Variants in STK40 observed in about 807,000 individuals in gnomAD.
STK40 encodes the protein serine/threonine-protein kinase 40.
In STK40, 13 loss-of-function variants were observed where a neutral mutation model predicts 47.9. The ratio of observed to expected loss-of-function variants is 0.27; its 90% CI spans 0.18 to 0.43. STK40 has a LOEUF of 0.43. Ranked by LOEUF, STK40 falls within the 20% of genes least tolerant of loss-of-function variation. STK40 has a pLI of 1.00. For missense variants in STK40, 460 were observed against 595.1 expected (o/e 0.77, Z 2.36); for synonymous variants, 225 against 243.2 (o/e 0.93, Z 0.69).
At position 36,376,159 on chromosome 1, in the gene STK40, G is replaced by A. The variant is rs115207950; in HGVS notation, c.-9+9564C>T. On this transcript the variant is annotated intron_variant, in intron 1 of 10. Transcript: ENST00000373132. The stretch of plus-strand genomic sequence containing the variant: ...ATGATTAGAAAAGCCAAGAGCAGGC[G>A]ATCCCTTCAGAGTGCCCCTCTGTTG... Among the ~76,000 whole-genome samples the A allele has an allele frequency of 1.8e-3, 270 of 152,304 alleles. 1 individual carries two copies. The highest frequency in any genetic ancestry group is 6.3e-3 in the African/African-American group (262 of 41,572).
chr1:36,355,173 G>C (rs762497218), intron 5 of STK40, 33 bp downstream of exon 5: 2 of 1,604,124 alleles, frequency 1.2e-6, no homozygotes, highest in Non-Finnish European at 8.5e-7. Flanking sequence ...GCTTTCTGTG[G>C]CCAGAAGGCG....
chr1:36,343,083 G>A, intron 10 of STK40: 1 of 609,180 alleles, frequency 1.6e-6, no homozygotes, highest in Non-Finnish European at 2.9e-6. Context: ...GCAGCAGGAG[G>A]AAGCTGAGAG....
In STK40 at chr1:36,350,288, C is replaced by G. The variant is rs1487858226; in HGVS notation, c.624-1473G>C. On this transcript the variant is annotated intron_variant, in intron 6 of 10. Transcript: ENST00000373132. ...CTGCTCTAGCTCTGAAGCTCCAGTG[C>G]CGCTGCCCTGAATATGGGGCTGCTC... Among the ~76,000 whole-genome samples, 8 of 152,320 alleles carry G rather than the reference C, an allele frequency of 5.3e-5. 1 individual carries two copies. The South Asian group carries it at 1.0e-3, about 20-fold the overall frequency.
chr1:36,373,391 T>C (rs938899386), intron 1 of STK40, among the ~76,000 whole-genome samples: 98 of 152,296 alleles, frequency 6.4e-4, no homozygotes, highest in African/African-American at 2.2e-3. Flanking sequence ...TCGCACCACT[T>C]TCTGATGTGG....
chr1:36,382,222 T>C (rs1647045759), intron 1 of STK40, among the ~76,000 whole-genome samples: 1 of 152,044 alleles, frequency 6.6e-6, no homozygotes, highest in African/African-American at 2.4e-5. Flanking sequence ...CTGTGTCACC[T>C]AAACTGGAAT....
At chr1:36,368,824 T>A (rs1333760449) in intron 1 of STK40, among the ~76,000 whole-genome samples, 1 of 152,248 alleles carries the variant, frequency 6.6e-6, no homozygotes, top group Non-Finnish European at 1.5e-5. Flanking sequence ...AATAGTATTG[T>A]ATCAGTTAAA....
rs183274481 is a variant in STK40, at chr1:36,343,898, G to A, written c.966C>T (p.Ala322=). ...VLDPQQRLAA[A]DVLEALSAII... ...TGGCACTGAGGGCCTCCAGGACGTC[G>A]GCGGCGGCCAGGCGCTGCTGGGGGT... is the stretch of plus-strand genomic sequence containing the variant. The change falls in exon 9 of 11, where the codon GCC becomes GCT. Residue 322 remains alanine, a synonymous_variant. Transcript: ENST00000373132. 55 of 1,606,536 alleles carry A rather than the reference G, an allele frequency of 3.4e-5. 1 individual carries two copies. In the Middle Eastern group the frequency reaches 1.7e-3, roughly 48 times the overall value.
intron 1 of STK40, among the ~76,000 whole-genome samples, chr1:36,363,544 C>T (rs1434908388): frequency 1.3e-5 from 2 of 151,844 alleles, no homozygotes; most frequent in Admixed American, 6.6e-5. Flanking sequence ...CAGTGGCTCA[C>T]GCCTGTAATA....
chr1:36,362,274 G>T (rs534342736), intron 1 of STK40, among the ~76,000 whole-genome samples: 4 of 152,178 alleles, frequency 2.6e-5, no homozygotes, highest in African/African-American at 9.7e-5. Flanking sequence ...CAGGATCCGG[G>T]GGGGACAAGG....
intron 7 of STK40, among the ~76,000 whole-genome samples, chr1:36,346,486 T>A (rs548378822): frequency 2.0e-5 from 3 of 152,094 alleles, no homozygotes; most frequent in African/African-American, 7.2e-5. Flanking sequence ...GCTGGGCACA[T>A]GGAGAATAAA....
rs1419637222 is a variant in STK40, at chr1:36,360,966, G to A, written c.112+255C>T. On this transcript the variant is annotated intron_variant, in intron 2 of 10. Coordinates refer to ENST00000373132, the MANE Select transcript of STK40 (RefSeq NM_001282547.2). ...AGTCGGAGCCTAGCTATTGGCTAAG[G>A]CTGATCTAAGGCTGGTATGGCTAAA... Among the ~76,000 whole-genome samples, 2 of 152,174 alleles carry A rather than the reference G, an allele frequency of 1.3e-5. 1 individual carries two copies. The highest frequency in any genetic ancestry group is 3.8e-4 in the East Asian group (2 of 5,200).
At chr1:36,350,043 G>A (rs372480621) in intron 6 of STK40, among the ~76,000 whole-genome samples, 4 of 152,334 alleles carry the variant, frequency 2.6e-5, no homozygotes, top group African/African-American at 9.6e-5. Flanking sequence ...GGCTCTGAGA[G>A]CCCTCGGTGA....
chr1:36,360,333 G>A (rs1361683916), intron 2 of STK40, among the ~76,000 whole-genome samples: 1 of 152,152 alleles, frequency 6.6e-6, no homozygotes, highest in African/African-American at 2.4e-5. Context: ...TTGGACTGCT[G>A]GTCCTTATGC....
Position 36,341,632 on chromosome 1 carries a change from T to C in STK40, c.*123A>G, listed in dbSNP as rs1201646297. 7 of 1,232,574 alleles carry C rather than the reference T, an allele frequency of 5.7e-6. No homozygotes were observed. Among genetic ancestry groups the C allele is most frequent in the Non-Finnish European group, 8.0e-6 (7 of 880,266 alleles). The allele number at this position is 1,232,574 out of a possible 1,614,324, so 76.4% of individuals were successfully genotyped here. A position where few individuals can be genotyped will look rare whatever the true frequency, so the allele number is the denominator to read the frequency against. On this transcript the variant is annotated 3_prime_UTR_variant, in exon 11 of 11. Coordinates refer to ENST00000373132, the MANE Select transcript of STK40 (RefSeq NM_001282547.2). ...CCACGTGTGACCTGGGCTGTCCCTG[T>C]CCCTGCCCTGTCCCTATTGTGGCCC...
chr1:36,377,572 A>G (rs1414702653), intron 1 of STK40, among the ~76,000 whole-genome samples: 1 of 150,058 alleles, frequency 6.7e-6, no homozygotes, highest in Non-Finnish European at 1.5e-5. Context: ...TAGTGGAATC[A>G]GGGGAGGCTG....
At chr1:36,376,978 G>A (rs1349051219) in intron 1 of STK40, among the ~76,000 whole-genome samples, 1 of 151,632 alleles carries the variant, frequency 6.6e-6, no homozygotes, top group Non-Finnish European at 1.5e-5. Context: ...TCACCATCTT[G>A]GCTAGGCTGG....
At chr1:36,346,240 C>T (rs180973447) in intron 7 of STK40, among the ~76,000 whole-genome samples, 7 of 151,856 alleles carry the variant, frequency 4.6e-5, no homozygotes, top group Admixed American at 3.3e-4. Context: ...GTGATTTGCC[C>T]GCCTCGGCCT....
intron 6 of STK40, among the ~76,000 whole-genome samples, chr1:36,351,156 T>A (rs1219081850): frequency 6.6e-6 from 1 of 151,924 alleles, no homozygotes; most frequent in East Asian, 1.9e-4. Flanking sequence ...GTTGCTTGCC[T>A]ACCAAAAAGA....
chr1:36,370,290 A>G (rs1646934261), intron 1 of STK40, among the ~76,000 whole-genome samples: 1 of 152,252 alleles, frequency 6.6e-6, no homozygotes, highest in Non-Finnish European at 1.5e-5. Context: ...CCCCAAATCC[A>G]GCCAAACGAT....
Sources: gnomAD v4.1 joint callset for allele counts (sites outside exome capture counted in the v4.1 genomes callset) on GRCh38, gnomAD v4.1.1 for gene constraint, MANE v1.5 for transcripts, NCBI Gene and HGNC (gene_info 2026-07-23, HGNC 2026-07-21) for gene names.